Variants in USP25 observed in about 807,000 individuals in gnomAD.
USP25 encodes ubiquitin carboxyl-terminal hydrolase 25.
A neutral mutation model predicts 158.5 loss-of-function variants in USP25; 85 were observed. The observed-to-expected ratio is 0.54, with a 90% CI of 0.45 to 0.64. The LOEUF (loss-of-function observed/expected upper bound fraction) is 0.64, where lower values mean the gene tolerates loss of function less well. Among genes scored for constraint, USP25 ranks in the 30% least tolerant of loss-of-function variants. The pLI, the probability that USP25 is intolerant of heterozygous loss-of-function variation, is 0.00. For synonymous variants in USP25, 464 were observed against 460.4 expected, an observed-to-expected ratio of 1.01 and a Z score of -0.10; for missense variants, 1,242 against 1,327.3, an observed-to-expected ratio of 0.94 and a Z score of 1.00.
intron 4 of USP25, among the ~76,000 whole-genome samples, chr21:15,787,902 A>ACCCCCCC (rs5842545): frequency 8.4e-5 from 7 of 83,712 alleles, no homozygotes; most frequent in Non-Finnish European, 1.5e-4. Flanking sequence ...ACACCCCCTC[A>ACCCCCCC]CCCCCCCCCC....
chr21:15,736,129 G>C (rs921682700), intron 1 of USP25, among the ~76,000 whole-genome samples: 1 of 150,680 alleles, frequency 6.6e-6, no homozygotes, highest in Admixed American at 6.6e-5. Context: ...ACGGGGTTTT[G>C]CTCTCTCACC....
At chr21:15,770,373 A>T (rs759421523) in intron 3 of USP25, among the ~76,000 whole-genome samples, 1 of 152,180 alleles carries the variant, frequency 6.6e-6, no homozygotes, top group Admixed American at 6.5e-5. Context: ...ATTTTATTAG[A>T]TATGAACTGT....
At chr21:15,758,072 T>A (rs2033498082) in intron 1 of USP25, among the ~76,000 whole-genome samples, 1 of 152,208 alleles carries the variant, frequency 6.6e-6, no homozygotes, top group Admixed American at 6.5e-5. Context: ...TCAAAATCAT[T>A]TGAAGTGCTT....
chr21:15,833,927 A>G (rs1276474452), intron 17 of USP25, among the ~76,000 whole-genome samples: 2 of 152,204 alleles, frequency 1.3e-5, no homozygotes, highest in East Asian at 1.9e-4. Flanking sequence ...TATCAATTCA[A>G]TAAAGCTATC....
At position 15,833,472 on chromosome 21, in the gene USP25, A is replaced by G; in HGVS notation, c.2118A>G (p.Gln706=). Residue 706 remains glutamine (Q), a synonymous_variant, in exon 17 of 26, where the codon CAA becomes CAG. Transcript: ENST00000400183. ...FEKELEEWDA[Q]LAQKALQEKL... ...AAGAACTAGAAGAATGGGATGCACA[A>G]CTTGCCCAGAAAGCTTTGCAGGAAA... is the stretch of plus-strand genomic sequence containing the variant. 1 of 1,614,148 alleles carries G rather than the reference A, an allele frequency of 6.2e-7. No individual in the cohort carries two copies. The highest frequency in any genetic ancestry group is 8.5e-7 in the Non-Finnish European group (1 of 1,179,992).
At chr21:15,736,027 T>TAC (rs1490047465) in intron 1 of USP25, among the ~76,000 whole-genome samples, 2 of 151,878 alleles carry the variant, frequency 1.3e-5, no homozygotes, top group Non-Finnish European at 2.9e-5. Context: ...TATATATATG[T>TAC]ATGTAGACAT....
rs894194614 is a variant in USP25, at chr21:15,877,763, C to A, written c.3010-33C>A. ...CCTTAATTTAAAAAGGAAACAAAAACCTATTCTTTTTTTTTTCCTGCATTG... is the reference window on the plus strand; with the variant it reads ...CCTTAATTTAAAAAGGAAACAAAAAACTATTCTTTTTTTTTTCCTGCATTG... On this transcript the variant is annotated intron_variant, in intron 24 of 25. Coordinates refer to ENST00000400183, the MANE Select transcript of USP25 (RefSeq NM_001283041.3). The A allele has an allele frequency of 1.1e-5, 17 of 1,486,106 alleles. No homozygotes were observed. The African/African-American group carries it at 1.4e-4, about 12-fold the overall frequency. The allele number at this position is 1,486,106 out of a possible 1,614,324, so 92.1% of individuals were successfully genotyped here.
intron 1 of USP25, among the ~76,000 whole-genome samples, chr21:15,748,372 C>T (rs571028752): frequency 6.6e-6 from 1 of 151,980 alleles, no homozygotes; most frequent in Non-Finnish European, 1.5e-5. Context: ...GCCTCAAACT[C>T]CTGGACCCAC....
At chr21:15,824,703 A>G (rs532627812) in intron 11 of USP25, among the ~76,000 whole-genome samples, 1 of 152,128 alleles carries the variant, frequency 6.6e-6, no homozygotes, top group South Asian at 2.1e-4. Flanking sequence ...TGCAAACACC[A>G]TCTCCTGGGT....
chr21:15,744,205 TGG>T (rs2032323145), intron 1 of USP25: 1 of 152,542 alleles, frequency 6.6e-6, no homozygotes, highest in Non-Finnish European at 1.5e-5. Flanking sequence ...CCTCAGGTCA[TGG>T]GGTCCTGTGC....
intron 19 of USP25, among the ~76,000 whole-genome samples, chr21:15,849,513 T>C (rs1036860173): frequency 6.6e-6 from 1 of 152,186 alleles, no homozygotes; most frequent in East Asian, 1.9e-4. Context: ...TCTAATTTGT[T>C]TGTCTAGAAG....
chr21:15,812,150 A>C (rs2146298669), intron 9 of USP25, among the ~76,000 whole-genome samples: 1 of 150,716 alleles, frequency 6.6e-6, no homozygotes, highest in Non-Finnish European at 1.5e-5. Flanking sequence ...AATATATATA[A>C]GTTTATATAT....
chr21:15,766,010 A>G lies in USP25; in HGVS notation c.137A>G (p.Asn46Ser). Residue 46 changes from asparagine (N) to serine (S), a missense_variant, in exon 3 of 26, where the codon AAC becomes AGC. By Grantham distance (46) the Asn-to-Ser change is conservative. Transcript: ENST00000400183. This position sits in a 1 kb window ranked among gnomAD's most constrained non-coding sequence, Gnocchi z 4.0. ...TGATATTTGAAGGATAGTAATGGAA[A>G]CTTGGAATTAGCAGTGGCTTTCCTT... ...LQQALKDSNGNLELAVAFLTA... is the reference protein window; with the variant it reads ...LQQALKDSNGSLELAVAFLTA... 6.2e-7 allele frequency: 1 copy of G among 1,604,934 alleles called. No individual in the cohort carries two copies. The highest frequency in any genetic ancestry group is 2.2e-5 in the East Asian group (1 of 44,598).
intron 17 of USP25, among the ~76,000 whole-genome samples, chr21:15,839,225 A>G (rs1181441108): frequency 2.6e-5 from 4 of 152,164 alleles, no homozygotes; most frequent in Admixed American, 6.5e-5. Context: ...AACACCACTC[A>G]TCTAAGTTCC....
At chr21:15,859,765 A>C (rs771282273) in intron 20 of USP25, among the ~76,000 whole-genome samples, 28 of 151,920 alleles carry the variant, frequency 1.8e-4, no homozygotes, top group Non-Finnish European at 3.1e-4. Flanking sequence ...TTCTTCAAGA[A>C]ATTTTAAAAC....
Position 15,818,713 on chromosome 21 carries a change from A to C in USP25, c.947A>C (p.Asn316Thr). ...CTTCTTATAGGTAAAAAATTTGAAA[A>C]CACTGAAATGTTTGGTCAGTACCCA... ...VGVLEGKKFE[N>T]TEMFGQYPLQ... The change falls in exon 10 of 26, where the codon AAC becomes ACC. Residue 316 changes from asparagine to threonine, a missense_variant. This residue lies in a region of USP25 where 627 missense variants were observed against 701.4 expected (regional missense o/e 0.89). Coordinates refer to ENST00000400183, the MANE Select transcript of USP25 (RefSeq NM_001283041.3). The C allele has an allele frequency of 6.2e-7, 1 of 1,607,216 alleles. No homozygotes were observed. Among genetic ancestry groups the C allele is most frequent in the Non-Finnish European group, 8.5e-7 (1 of 1,176,640 alleles).
At chr21:15,741,040 C>T (rs1046507579) in intron 1 of USP25, among the ~76,000 whole-genome samples, 35 of 152,094 alleles carry the variant, frequency 2.3e-4, no homozygotes, top group African/African-American at 7.2e-4. Flanking sequence ...TTATCAACAC[C>T]GTCATTATTT....
chr21:15,774,364 G>T (rs963909484), intron 3 of USP25, among the ~76,000 whole-genome samples: 1 of 152,142 alleles, frequency 6.6e-6, no homozygotes, highest in Admixed American at 6.5e-5. Context: ...AAGCCTTTAA[G>T]TATTGAGAAG....
At chr21:15,819,170 T>C (rs546912397) in intron 10 of USP25, among the ~76,000 whole-genome samples, 1 of 152,344 alleles carries the variant, frequency 6.6e-6, no homozygotes, top group Non-Finnish European at 1.5e-5. Flanking sequence ...AAAATCCTGA[T>C]ATTACAGTGG....
Sources: allele counts gnomAD v4.1 joint callset (sites outside exome capture counted in the v4.1 genomes callset), GRCh38; gene constraint gnomAD v4.1.1; regional missense constraint gnomAD v4.1.1; non-coding constraint Gnocchi (gnomAD v3.1); transcripts MANE v1.5; gene names NCBI Gene and HGNC (gene_info 2026-07-23, HGNC 2026-07-21).